The following NBR1 variants were observed in gnomAD, a reference collection of about 807,000 sequenced individuals.
The protein encoded by NBR1 is next to BRCA1 gene 1 protein.
A neutral mutation model predicts 115.5 loss-of-function variants in NBR1; 59 were observed. The observed-to-expected ratio is 0.51, with a 90% CI of 0.41 to 0.63. The LOEUF (loss-of-function observed/expected upper bound fraction) is 0.63, where lower values mean the gene tolerates loss of function less well. NBR1 is among the 30% of genes least tolerant of loss of function. NBR1 has a pLI of 0.00. For synonymous variants in NBR1, 373 were observed against 414.7 expected (o/e 0.90, Z 1.22); for missense variants, 1,043 against 1,150.5 (o/e 0.91, Z 1.35).
Position 43,191,586 on chromosome 17 carries a change from GC to G in NBR1, c.1073+8del. On this transcript the variant is annotated splice_donor_region_variant and intron_variant, in intron 10 of 20. Coordinates refer to ENST00000590996, the MANE Select transcript of NBR1 (RefSeq NM_005899.5). ...GCTCCAGTCTAATACCCTGATGTAA[GC>G]CCAGGACTGGGGTGGGAGCCAAAAC... is the stretch of plus-strand genomic sequence containing the variant. 6.3e-7 allele frequency: 1 copy of G among 1,597,970 alleles called. No homozygotes were observed. The highest frequency in any genetic ancestry group is 8.5e-7 in the Non-Finnish European group (1 of 1,173,026).
In NBR1 at chr17:43,201,741, A is replaced by G. The variant is rs375608435; in HGVS notation, c.2524A>G (p.Ile842Val). The G allele has an allele frequency of 1.4e-5, 22 of 1,609,036 alleles. No individual in the cohort carries two copies. In the African/African-American group the frequency reaches 1.9e-4, roughly 14 times the overall value. ...GSPGVDLPVT[I>V]PEVSSVPDQI... ...CCCAGGAGTGGATTTACCAGTTACC[A>G]TACCAGAAGTTTCTTCAGTCCCTGA... Residue 842 changes from isoleucine to valine, a missense_variant, in exon 18 of 21, where the codon ATA becomes GTA. Transcript: ENST00000590996.
rs1382823889 is a variant in NBR1, at chr17:43,209,629, TTC to T, written c.2728-269_2728-268del. 3.3e-6 allele frequency: 5 copies of T among 1,535,472 alleles called. No homozygotes were observed. In the Admixed American group the frequency reaches 9.8e-5, roughly 30 times the overall value. On this transcript the variant is annotated intron_variant, in intron 20 of 20. Coordinates refer to ENST00000590996, the MANE Select transcript of NBR1 (RefSeq NM_005899.5). ...CTTCCTGAAAGCCCCGAGTGAAGCATTCTCCTGGTTCTAAGTACAGTTCATTA... is the reference window on the plus strand; with the variant it reads ...CTTCCTGAAAGCCCCGAGTGAAGCATTCCTGGTTCTAAGTACAGTTCATTA...
chr17:43,179,362 A>G, intron 3 of NBR1, 32 bp from the exon 4 acceptor site: 1 of 1,606,648 alleles, frequency 6.2e-7, no homozygotes, highest in Non-Finnish European at 8.5e-7. Flanking sequence ...TGAGACACTT[A>G]TAATTCACTG....
At chr17:43,192,951 A>G (rs2056982677) in intron 10 of NBR1, 143 bp from the exon 11 acceptor site, 1 of 716,968 alleles carries the variant, frequency 1.4e-6, no homozygotes, top group East Asian at 2.7e-5. Context: ...ATGTGGTCCT[A>G]TACTAGTAAT....
In NBR1 at chr17:43,210,453, T is replaced by C. The variant is rs1013224458; in HGVS notation, c.*379T>C. The C allele has an allele frequency of 5.0e-6, 2 of 397,232 alleles. No homozygotes were observed. The highest frequency in any genetic ancestry group is 8.9e-6 in the Non-Finnish European group (2 of 225,790). 24.6% of individuals were successfully genotyped at this position (397,232 alleles called of 1,614,324 possible). A position where few individuals can be genotyped will look rare whatever the true frequency, so the allele number is the denominator to read the frequency against. On this transcript the variant is annotated 3_prime_UTR_variant, in exon 21 of 21. Coordinates refer to ENST00000590996, the MANE Select transcript of NBR1 (RefSeq NM_005899.5). Reference sequence around the variant, plus strand: ...GGGATATCTGTTAATTTTCAGGTTTTGAAAGACATTAACCTCGGAAGTTGT... The same window carrying C: ...GGGATATCTGTTAATTTTCAGGTTTCGAAAGACATTAACCTCGGAAGTTGT...
intron 16 of NBR1, 55 bp downstream of exon 16, chr17:43,197,161 C>T (rs980990052): frequency 6.7e-7 from 1 of 1,491,672 alleles, no homozygotes; most frequent in Non-Finnish European, 9.3e-7. Flanking sequence ...ATTGTGACTG[C>T]CAGACTTGAC....
chr17:43,194,828 T>C, intron 13 of NBR1, 136 bp from the exon 14 acceptor site: 1 of 683,174 alleles, frequency 1.5e-6, no homozygotes. Context: ...TAACTCTTCT[T>C]GTTTTCACTT....
At chr17:43,177,788 G>T in intron 2 of NBR1, 148 bp from the exon 3 acceptor site, 1 of 540,464 alleles carries the variant, frequency 1.9e-6, no homozygotes. Context: ...TAGCAGTTTT[G>T]CTGGTACTCT....
At chr17:43,191,326 A>AT (rs1462639853) in intron 9 of NBR1, 46 bp from the exon 10 acceptor site, 2 of 1,430,688 alleles carry the variant, frequency 1.4e-6, no homozygotes, top group Non-Finnish European at 1.9e-6. Context: ...TAGCTTCAGA[A>AT]TTTATTTGTG....
chr17:43,179,453 C>T (rs754855120), intron 4 of NBR1, 41 bp downstream of exon 4: 6 of 1,571,208 alleles, frequency 3.8e-6, no homozygotes, highest in Admixed American at 1.7e-5. Context: ...GTTTAAAAAC[C>T]TTAATCTGCT....
In NBR1 at chr17:43,179,429, G is replaced by A; in HGVS notation, c.184+17G>A. 6.2e-7 allele frequency: 1 copy of A among 1,611,562 alleles called. No individual in the cohort carries two copies. The highest frequency in any genetic ancestry group is 1.3e-5 in the African/African-American group (1 of 74,968). ...ACAGTCAAGGTGAGTCCCTAAGAGAGTCTGTTCAGCCTTGTTTAAAAACCT... is the reference window on the plus strand; with the variant it reads ...ACAGTCAAGGTGAGTCCCTAAGAGAATCTGTTCAGCCTTGTTTAAAAACCT... On this transcript the variant is annotated intron_variant, in intron 4 of 20. Transcript: ENST00000590996.
rs2057138347 is a variant in NBR1, at chr17:43,199,183, CCCTA to C, written c.2027-980_2027-977del. On this transcript the variant is annotated intron_variant, in intron 16 of 20. Coordinates refer to ENST00000590996, the MANE Select transcript of NBR1 (RefSeq NM_005899.5). ...TTGCAGCCACAACATCCTGGGGTCC[CCCTA>C]CCTCTGTTTCCCAAGCAACTGGGAC... Among the ~76,000 whole-genome samples the C allele has an allele frequency of 2.0e-5, 3 of 151,964 alleles. No homozygotes were observed. The South Asian group carries it at 6.2e-4, about 32-fold the overall frequency.
At chr17:43,186,036 AAATAAAT>A (rs1195723328) in intron 5 of NBR1, among the ~76,000 whole-genome samples, 1 of 150,030 alleles carries the variant, frequency 6.7e-6, no homozygotes, top group Non-Finnish European at 1.5e-5. Flanking sequence ...ATAAATAAAT[AAATAAAT>A]AAATAAATTT....
intron 20 of NBR1, among the ~76,000 whole-genome samples, chr17:43,209,034 C>CCA: frequency 6.6e-6 from 1 of 151,928 alleles, no homozygotes; most frequent in East Asian, 1.9e-4. Flanking sequence ...AATGCTTCCA[C>CCA]CACAGGGCTT....
rs71160025 is a variant in NBR1 at position 43,187,502 on chromosome 17, C to CTTTTTT, written c.402+1077_402+1082dup. 1.6e-4 allele frequency among the ~76,000 whole-genome samples: 11 copies of CTTTTTT among 68,838 alleles called. 1 individual carries two copies. The highest frequency in any genetic ancestry group is 1.9e-4 in the Non-Finnish European group (8 of 41,220). The allele number at this position is 68,838 out of a possible 152,430, so 45.2% of individuals were successfully genotyped here. On this transcript the variant is annotated intron_variant, in intron 6 of 20. Transcript: ENST00000590996. ...GCCTCCAACATCTATTATTTCCTGA[C>CTTTTTT]TTTTTTTTTTTTTTTTTTTTTTTTG...
At chr17:43,197,923 G>T (rs895973564) in intron 16 of NBR1, among the ~76,000 whole-genome samples, 1 of 152,196 alleles carries the variant, frequency 6.6e-6, no homozygotes, top group East Asian at 1.9e-4. Context: ...AGGCTGAGGC[G>T]GGTGGATCAC....
intron 5 of NBR1, among the ~76,000 whole-genome samples, chr17:43,185,821 AC>A (rs1167031787): frequency 6.6e-6 from 1 of 151,960 alleles, no homozygotes; most frequent in African/African-American, 2.4e-5. Context: ...ACATAGTGAA[AC>A]CCCATCTCTA....
chr17:43,198,337 T>C (rs1044889359), intron 16 of NBR1, among the ~76,000 whole-genome samples: 6 of 152,096 alleles, frequency 3.9e-5, no homozygotes, highest in Non-Finnish European at 7.4e-5. Flanking sequence ...TCTTTAAATA[T>C]TATTTATCTT....
chr17:43,204,898 C>T (rs560189025), intron 20 of NBR1, among the ~76,000 whole-genome samples: 19 of 151,536 alleles, frequency 1.3e-4, no homozygotes, highest in African/African-American at 3.9e-4. Context: ...ACTTGAGCAC[C>T]GGAGGTTGAG....
Sources: allele counts gnomAD v4.1 joint callset (sites outside exome capture counted in the v4.1 genomes callset), GRCh38; gene constraint gnomAD v4.1.1; transcripts MANE v1.5; gene names NCBI Gene and HGNC (gene_info 2026-07-23, HGNC 2026-07-21).